The following MCPH1 variants were observed in gnomAD, a reference collection of about 807,000 sequenced individuals.
The protein encoded by MCPH1 is microcephalin.
Under a neutral mutation model 84.5 loss-of-function variants are expected in MCPH1, and 104 were observed. The ratio of observed to expected loss-of-function variants is 1.23; its 90% CI spans 1.05 to 1.45. MCPH1 has a LOEUF of 1.45. Among genes scored for constraint, MCPH1 ranks in the 40% most tolerant of loss-of-function variants. The probability of loss-of-function intolerance (pLI) is 0.00; values close to 1 mark genes in which losing one functional copy is unlikely to be tolerated. For missense variants in MCPH1, 1,498 were observed against 1,005.7 expected (o/e 1.49, Z -6.62); for synonymous variants, 514 against 366.8 (o/e 1.40, Z -4.58).
chr8:6,539,029 T>TTG (rs34625219), intron 12 of MCPH1, among the ~76,000 whole-genome samples: 62 of 151,516 alleles, frequency 4.1e-4, no homozygotes, highest in Admixed American at 1.5e-3. Flanking sequence ...AGAGTTGGGC[T>TTG]TGTGTGTGTG....
intron 11 of MCPH1, among the ~76,000 whole-genome samples, chr8:6,498,847 G>C (rs1036817094): frequency 2.6e-5 from 4 of 151,950 alleles, no homozygotes; most frequent in African/African-American, 9.7e-5. Context: ...CCAGAAGTTC[G>C]AGACCAGCCT....
chr8:6,631,327 T>C (rs1242527952), intron 13 of MCPH1, among the ~76,000 whole-genome samples: 4 of 152,008 alleles, frequency 2.6e-5, no homozygotes, highest in Non-Finnish European at 4.4e-5. Context: ...AATAGATAAA[T>C]TGCACTATAT....
At chr8:6,542,876 C>G (rs949113180) in intron 12 of MCPH1, among the ~76,000 whole-genome samples, 2 of 152,114 alleles carry the variant, frequency 1.3e-5, no homozygotes, top group Admixed American at 1.3e-4. Flanking sequence ...AAAAGGCTAG[C>G]GAAACTTAGA....
chr8:6,592,432 A>AT (rs1828539358), intron 12 of MCPH1, among the ~76,000 whole-genome samples: 1 of 151,718 alleles, frequency 6.6e-6, no homozygotes, highest in Non-Finnish European at 1.5e-5. Context: ...AGTTGTTTCC[A>AT]TTTTTTGTGT....
chr8:6,630,529 C>T (rs1279976029), intron 13 of MCPH1, among the ~76,000 whole-genome samples: 1 of 152,068 alleles, frequency 6.6e-6, no homozygotes, highest in Non-Finnish European at 1.5e-5. Flanking sequence ...CGCCTGTAAT[C>T]CCAACACTTT....
intron 12 of MCPH1, chr8:6,503,347 G>A (rs1812579661): frequency 9.7e-6 from 14 of 1,439,978 alleles, no homozygotes; most frequent in Non-Finnish European, 1.4e-5. Flanking sequence ...TAAGGCAGGA[G>A]GCACACTGCA....
chr8:6,494,531 A>G (rs1442408073), intron 11 of MCPH1: 2 of 152,246 alleles, frequency 1.3e-5, no homozygotes, highest in Non-Finnish European at 2.9e-5. Context: ...TAAACACTCA[A>G]TAAATATTAA....
intron 12 of MCPH1, among the ~76,000 whole-genome samples, chr8:6,541,387 C>A (rs1252066900): frequency 3.9e-5 from 6 of 152,124 alleles, no homozygotes; most frequent in Admixed American, 3.9e-4. Flanking sequence ...TATTTATAGC[C>A]CCCAGTCAGC....
rs1441515799 is a variant in MCPH1 at position 6,465,740 on chromosome 8, AAG to A, written c.1935+10489_1935+10490del. ...ACTGACATCAGAGACTCATGTTAAT[AAG>A]TAACAAGCGGCTTTGTTTGTTATGC... On this transcript the variant is annotated intron_variant, in intron 9 of 13. Transcript: ENST00000344683. Among the ~76,000 whole-genome samples, 32 of 152,188 alleles carry A rather than the reference AAG, an allele frequency of 2.1e-4. 1 individual carries two copies. The highest frequency in any genetic ancestry group is 2.0e-3 in the Admixed American group (31 of 15,284).
rs142511535 is a variant in MCPH1 at position 6,480,703 on chromosome 8, C to T, written c.1974-11C>T. The T allele has an allele frequency of 1.5e-5, 24 of 1,614,026 alleles. No individual in the cohort carries two copies. Among genetic ancestry groups the T allele is most frequent in the African/African-American group, 5.3e-5 (4 of 75,008 alleles). Reference sequence around the variant, plus strand: ...TCATTCATTTTGTTAATTTTTCCCCCGATTTGACAGAAAGCAGAATGTCGT... The same window carrying T: ...TCATTCATTTTGTTAATTTTTCCCCTGATTTGACAGAAAGCAGAATGTCGT... On this transcript the variant is annotated splice_polypyrimidine_tract_variant and intron_variant, in intron 10 of 13. Coordinates refer to ENST00000344683, the MANE Select transcript of MCPH1 (RefSeq NM_024596.5).
chr8:6,444,300 T>C, intron 7 of MCPH1, 93 bp from the exon 8 acceptor site: 1 of 1,429,400 alleles, frequency 7.0e-7, no homozygotes, highest in East Asian at 2.4e-5. Context: ...CTAATAGCTG[T>C]ACTTTAAAAG....
At chr8:6,411,123 G>C (rs560503410) in intron 2 of MCPH1, among the ~76,000 whole-genome samples, 1 of 152,086 alleles carries the variant, frequency 6.6e-6, no homozygotes, top group Admixed American at 6.6e-5. Context: ...AGTAGGATCC[G>C]ATGGTGAAGA....
intron 3 of MCPH1, among the ~76,000 whole-genome samples, chr8:6,418,083 C>G (rs1269311154): frequency 3.9e-5 from 6 of 152,182 alleles, no homozygotes; most frequent in Admixed American, 6.5e-5. Context: ...CAGCCAGAGA[C>G]TTGAACTTCT....
intron 8 of MCPH1, among the ~76,000 whole-genome samples, chr8:6,448,945 A>AT (rs763060365): frequency 1.3e-3 from 190 of 151,392 alleles, no homozygotes; most frequent in African/African-American, 3.2e-3. Context: ...ACTGGAATAC[A>AT]TTTTTTTTTG....
chr8:6,631,760 C>T (rs527781895), intron 13 of MCPH1, among the ~76,000 whole-genome samples: 11 of 151,876 alleles, frequency 7.2e-5, no homozygotes, highest in Admixed American at 5.9e-4. Flanking sequence ...ATTGTAGCCA[C>T]GATAGAAAAC....
rs1831416576 is a variant in MCPH1, at chr8:6,621,549, C to T, written c.2310C>T (p.Pro770=). 1.2e-6 allele frequency: 2 copies of T among 1,614,104 alleles called. No individual in the cohort carries two copies. The highest frequency in any genetic ancestry group is 1.7e-6 in the Non-Finnish European group (2 of 1,180,044). The change falls in exon 13 of 14, where the codon CCC becomes CCT. Residue 770 remains proline (P), a synonymous_variant. Transcript: ENST00000344683. ...TGTTTGTCTCGCCTGCCAGCAGCCC[C>T]CCAGTGGCCAAGCTCTGTGAACTAG... ...PAMFVSPASS[P]PVAKLCELVH... is the part of the protein sequence containing the mutation.
chr8:6,563,174 G>A (rs1825815939), intron 12 of MCPH1: 1 of 370,192 alleles, frequency 2.7e-6, no homozygotes, highest in Non-Finnish European at 5.0e-6. Context: ...CACTTGGGAG[G>A]GCTGTGTCAG....
chr8:6,476,241 C>T (rs993203098), intron 9 of MCPH1, among the ~76,000 whole-genome samples: 1 of 151,872 alleles, frequency 6.6e-6, no homozygotes, highest in African/African-American at 2.4e-5. Context: ...CCAGCCTGGC[C>T]AACATGGTGG....
intron 12 of MCPH1, among the ~76,000 whole-genome samples, chr8:6,567,852 G>A (rs1826330037): frequency 3.3e-5 from 5 of 152,210 alleles, no homozygotes; most frequent in African/African-American, 1.2e-4. Flanking sequence ...CAAGAGGCAA[G>A]TGAGACTGTC....
Sources: allele counts gnomAD v4.1 joint callset (sites outside exome capture counted in the v4.1 genomes callset), GRCh38; gene constraint gnomAD v4.1.1; transcripts MANE v1.5; gene names NCBI Gene and HGNC (gene_info 2026-07-23, HGNC 2026-07-21).